Variants in LTBP1 observed in about 807,000 individuals in gnomAD.
LTBP1 encodes the protein latent transforming growth factor beta binding protein 1.
Under a neutral mutation model 207.6 loss-of-function variants are expected in LTBP1, and 129 were observed. That is an observed-to-expected ratio of 0.62 (90% CI 0.54 to 0.72). The LOEUF (loss-of-function observed/expected upper bound fraction) is 0.72, where lower values mean the gene tolerates loss of function less well. Among genes scored for constraint, LTBP1 ranks in the 30% least tolerant of loss-of-function variants. LTBP1 has a pLI of 0.00. For synonymous variants in LTBP1, 963 were observed against 833.7 expected, an observed-to-expected ratio of 1.16 and a Z score of -2.67; for missense variants, 2,281 against 2,217.2, an observed-to-expected ratio of 1.03 and a Z score of -0.58.
chr2:33,307,368 C>T (rs1282799999), intron 22 of LTBP1, among the ~76,000 whole-genome samples: 1 of 152,106 alleles, frequency 6.6e-6, no homozygotes, highest in East Asian at 1.9e-4. Context: ...CACAATGGCC[C>T]AGATGGAAAC....
Position 33,187,144 on chromosome 2 carries a change from T to C in LTBP1, c.1426+64T>C. The C allele has an allele frequency of 2.1e-6, 3 of 1,447,554 alleles. No homozygotes were observed. In the South Asian group the frequency reaches 3.6e-5, roughly 18 times the overall value. 89.7% of individuals were successfully genotyped at this position (1,447,554 alleles called of 1,614,324 possible). On this transcript the variant is annotated intron_variant, in intron 6 of 33. Coordinates refer to ENST00000404816, the MANE Select transcript of LTBP1 (RefSeq NM_206943.4). ...TTAACCTGCCAAACCCACATAGAAG[T>C]CAAGGATCTGCGGGTGGCCAGGGCT...
intron 5 of LTBP1, among the ~76,000 whole-genome samples, chr2:33,153,663 A>G (rs2083720069): frequency 6.6e-6 from 1 of 152,246 alleles, no homozygotes; most frequent in African/African-American, 2.4e-5. Context: ...ACGAAAAGGT[A>G]GTTTCCTAAT....
chr2:32,984,664 G>A (rs1328854261), intron 2 of LTBP1, among the ~76,000 whole-genome samples: 2 of 152,130 alleles, frequency 1.3e-5, no homozygotes, highest in African/African-American at 2.4e-5. Context: ...GCTCACGCCT[G>A]TAATCCCAGC....
At chr2:33,078,034 A>G (rs903258204) in intron 3 of LTBP1, among the ~76,000 whole-genome samples, 4 of 152,222 alleles carry the variant, frequency 2.6e-5, no homozygotes, top group Non-Finnish European at 5.9e-5. Context: ...AAGAGAGGCC[A>G]GTATGCAGTT....
intron 5 of LTBP1, among the ~76,000 whole-genome samples, chr2:33,136,860 T>G (rs990592906): frequency 6.6e-6 from 1 of 152,168 alleles, no homozygotes; most frequent in African/African-American, 2.4e-5. Flanking sequence ...AGCAAAATTA[T>G]TTACAAAAGC....
At chr2:33,309,703 C>A in intron 23 of LTBP1, 147 bp downstream of exon 23, 1 of 909,126 alleles carries the variant, frequency 1.1e-6, no homozygotes. Flanking sequence ...TGTCTTGGGT[C>A]CACATCAAGT....
At chr2:33,139,050 G>C (rs955866194) in intron 5 of LTBP1, among the ~76,000 whole-genome samples, 1 of 151,202 alleles carries the variant, frequency 6.6e-6, no homozygotes, top group African/African-American at 2.4e-5. Flanking sequence ...AGTAGAGACG[G>C]GGTTTCACCG....
Position 33,021,066 on chromosome 2 carries a change from G to C in LTBP1, c.723G>C (p.Ser241=). The change falls in exon 3 of 34, where the codon TCG becomes TCC. Residue 241 remains serine, a synonymous_variant. Transcript: ENST00000404816. ...GGCAGAGTCCTGGGGCTGCTTCCTC[G>C]TGGGGCCCTCCTGAGCAAGCAGCAA... ...FGGQSPGAAS[S]WGPPEQAAKH... The C allele has an allele frequency of 6.2e-7, 1 of 1,614,040 alleles. No homozygotes were observed.
chr2:33,089,155 C>CAAAAAAAAAAAAAA (rs61009791), intron 3 of LTBP1, among the ~76,000 whole-genome samples: 3 of 96,392 alleles, frequency 3.1e-5, no homozygotes, highest in African/African-American at 7.4e-5. Context: ...GACTCAGTCT[C>CAAAAAAAAAAAAAA]AAAAAAAAAA....
chr2:33,302,504 G>T (rs7575377), intron 22 of LTBP1, among the ~76,000 whole-genome samples: 85,945 of 151,918 alleles, frequency 0.57, 25,268 homozygotes, highest in African/African-American at 0.73. Flanking sequence ...CCAGTCCAGT[G>T]GATTGGGAAA....
At chr2:33,122,482 A>G (rs2081194468) in intron 4 of LTBP1, among the ~76,000 whole-genome samples, 2 of 152,220 alleles carry the variant, frequency 1.3e-5, no homozygotes, top group Non-Finnish European at 2.9e-5. Context: ...GAGGCTGGCC[A>G]GCTGCCTGTA....
chr2:33,004,495 A>T (rs994545226), intron 2 of LTBP1, among the ~76,000 whole-genome samples: 4 of 151,856 alleles, frequency 2.6e-5, no homozygotes, highest in African/African-American at 7.3e-5. Flanking sequence ...ATATTATTTT[A>T]AAAATTATGG....
chr2:33,345,076 T>C (rs1260155146), intron 25 of LTBP1, among the ~76,000 whole-genome samples: 2 of 152,200 alleles, frequency 1.3e-5, no homozygotes, highest in East Asian at 3.8e-4. Context: ...TTCAAAAATA[T>C]TTACTAAGCA....
intron 3 of LTBP1, among the ~76,000 whole-genome samples, chr2:33,107,284 G>A (rs2080120757): frequency 6.6e-6 from 1 of 152,058 alleles, no homozygotes; most frequent in Non-Finnish European, 1.5e-5. Flanking sequence ...TTTACTGTGG[G>A]TTGAGGTGAA....
Position 33,280,063 on chromosome 2 carries a change from G to A in LTBP1, c.3017G>A (p.Ser1006Asn). 2 of 1,614,098 alleles carry A rather than the reference G, an allele frequency of 1.2e-6. No individual in the cohort carries two copies. Among genetic ancestry groups the A allele is most frequent in the Non-Finnish European group, 1.7e-6 (2 of 1,179,990 alleles). The change falls in exon 19 of 34, where the codon AGC (serine) becomes AAC (asparagine). Residue 1006 changes from serine to asparagine, a missense_variant. By Grantham distance (46) the Ser-to-Asn change is conservative. Coordinates refer to ENST00000404816, the MANE Select transcript of LTBP1 (RefSeq NM_206943.4). ...GATATTGATGAATGTTTGAATCCAA[G>A]CACTTGTCCAGATGAGCAGTGTGTG... ...CEDIDECLNPSTCPDEQCVNS... is the reference protein window; with the variant it reads ...CEDIDECLNPNTCPDEQCVNS...
chr2:33,183,878 G>C (rs1212359060), intron 5 of LTBP1, among the ~76,000 whole-genome samples: 1 of 152,132 alleles, frequency 6.6e-6, no homozygotes, highest in Non-Finnish European at 1.5e-5. Context: ...GTATTTTTCA[G>C]ACCCCATCCA....
chr2:33,398,320 A>G (rs624060), intron 33 of LTBP1, 44 bp from the exon 34 acceptor site: 1,229,009 of 1,579,268 alleles, frequency 0.78, 480,147 homozygotes, highest in African/African-American at 0.91. Context: ...TCCTCACAGA[A>G]TAATATCCAA....
chr2:33,132,736 A>G lies in LTBP1; in HGVS notation c.1034-2057A>G, dbSNP rs536696595. 9.9e-4 allele frequency among the ~76,000 whole-genome samples: 151 copies of G among 152,294 alleles called. 1 individual carries two copies. The highest frequency in any genetic ancestry group is 3.6e-3 in the African/African-American group (149 of 41,570). On this transcript the variant is annotated intron_variant, in intron 4 of 33. Coordinates refer to ENST00000404816, the MANE Select transcript of LTBP1 (RefSeq NM_206943.4). ...GAAGGAGAAACTGTCCTGGAAAACC[A>G]TTTGAAAAGAATGGAGGGCTTTCTC...
At chr2:33,288,583 C>A (rs6711027) in intron 19 of LTBP1, among the ~76,000 whole-genome samples, 1 of 151,874 alleles carries the variant, frequency 6.6e-6, no homozygotes, top group Non-Finnish European at 1.5e-5. Context: ...AGGCCAGGTG[C>A]GGTGGCTCAC....
Sources: gnomAD v4.1 joint callset for allele counts (sites outside exome capture counted in the v4.1 genomes callset) on GRCh38, gnomAD v4.1.1 for gene constraint, MANE v1.5 for transcripts, NCBI Gene and HGNC (gene_info 2026-07-23, HGNC 2026-07-21) for gene names.